Variants in RBM47 observed in about 807,000 individuals in gnomAD.
RBM47 encodes RNA binding motif protein 47.
RBM47 carries 21 observed loss-of-function variants against 47.1 expected under a neutral mutation model. The ratio of observed to expected loss-of-function variants is 0.45; its 90% confidence interval spans 0.32 to 0.64. The LOEUF (loss-of-function observed/expected upper bound fraction) is 0.64, where lower values mean the gene tolerates loss of function less well. Among genes scored for constraint, RBM47 ranks in the 30% least tolerant of loss-of-function variants. The probability of loss-of-function intolerance (pLI) is 0.05; values close to 1 mark genes in which losing one functional copy is unlikely to be tolerated. For synonymous variants in RBM47, 375 were observed against 361.7 expected, an observed-to-expected ratio of 1.04 and a Z score of -0.42; for missense variants, 708 against 870.9, an observed-to-expected ratio of 0.81 and a Z score of 2.35.
intron 1 of RBM47, among the ~76,000 whole-genome samples, chr4:40,552,809 A>G (rs1318634792): frequency 1.3e-5 from 2 of 152,142 alleles, no homozygotes; most frequent in Non-Finnish European, 2.9e-5. Flanking sequence ...AAACCAGCTC[A>G]TCCTCTTCTC....
At chr4:40,462,136 T>C (rs1450709089) in intron 3 of RBM47, among the ~76,000 whole-genome samples, 1 of 152,026 alleles carries the variant, frequency 6.6e-6, no homozygotes, top group East Asian at 1.9e-4. Flanking sequence ...GTGCAGACAT[T>C]TGAAGCTAGG....
At chr4:40,439,753 T>C (rs967490586) in intron 3 of RBM47, among the ~76,000 whole-genome samples, 2 of 152,200 alleles carry the variant, frequency 1.3e-5, no homozygotes, top group Admixed American at 6.5e-5. Flanking sequence ...AATTTGGTCA[T>C]GGGGAAATAG....
chr4:40,559,534 A>G (rs1288034257), intron 1 of RBM47, among the ~76,000 whole-genome samples: 1 of 152,230 alleles, frequency 6.6e-6, no homozygotes, highest in East Asian at 1.9e-4. Flanking sequence ...TAAAAATAAG[A>G]CTGTTAAGGA....
intron 2 of RBM47, among the ~76,000 whole-genome samples, chr4:40,477,245 C>T (rs756693818): frequency 1.2e-4 from 19 of 152,074 alleles, no homozygotes; most frequent in Non-Finnish European, 2.5e-4. Context: ...TATTCATCTA[C>T]GCATATATTT....
In RBM47 at chr4:40,486,135, G is replaced by T. The variant is rs998541140; in HGVS notation, c.-154-19436C>A. 2.1e-5 allele frequency among the ~76,000 whole-genome samples: 3 copies of T among 143,934 alleles called. No homozygotes were observed. In the Admixed American group the frequency reaches 2.1e-4, roughly 10 times the overall value. 94.4% of individuals were successfully genotyped at this position (143,934 alleles called of 152,430 possible). The stretch of plus-strand genomic sequence containing the variant: ...AAGAGTTTAGAAACTAAATACAGTA[G>T]CTAAGGAAGAAACTGATTATTTATC... On this transcript the variant is annotated intron_variant, in intron 2 of 6. Coordinates refer to ENST00000295971, the MANE Select transcript of RBM47 (RefSeq NM_001098634.2).
intron 1 of RBM47, among the ~76,000 whole-genome samples, chr4:40,596,016 T>C (rs746613801): frequency 9.2e-5 from 14 of 152,192 alleles, no homozygotes; most frequent in African/African-American, 1.2e-4. Flanking sequence ...CAGTCAGTGT[T>C]TGATAAGCTA....
intron 2 of RBM47, among the ~76,000 whole-genome samples, chr4:40,540,359 G>C (rs1728390830): frequency 6.6e-6 from 1 of 151,970 alleles, no homozygotes; most frequent in Admixed American, 6.6e-5. Flanking sequence ...AAATAAACAG[G>C]CTGGGCACAG....
chr4:40,434,010 T>G (rs796867121), intron 5 of RBM47, among the ~76,000 whole-genome samples: 33,373 of 67,350 alleles, frequency 0.5, 9,026 homozygotes, highest in South Asian at 0.61. Flanking sequence ...GGGGTGTGTG[T>G]GTGTGTGTGT....
chr4:40,600,999 A>AAAG (rs1553907563), intron 1 of RBM47, among the ~76,000 whole-genome samples: 6 of 147,284 alleles, frequency 4.1e-5, no homozygotes, highest in African/African-American at 1.6e-4. Context: ...AAAAAAAAAA[A>AAAG]AAAGAAAGAA....
chr4:40,533,950 G>A (rs1330037033), intron 2 of RBM47, among the ~76,000 whole-genome samples: 4 of 151,860 alleles, frequency 2.6e-5, no homozygotes, highest in African/African-American at 2.4e-5. Flanking sequence ...CGAGTGGCTG[G>A]GATTACAGGC....
Position 40,547,217 on chromosome 4 carries a change from C to T in RBM47, c.-239-2711G>A, listed in dbSNP as rs183404859. Among the ~76,000 whole-genome samples the T allele has an allele frequency of 9.8e-4, 149 of 152,306 alleles. 1 individual carries two copies. The highest frequency in any genetic ancestry group is 3.4e-3 in the African/African-American group (143 of 41,582). ...CTAGGATATACAGTGCCCCTCCCTG[C>T]CCTGCCAAATTCATAAATTCAAGGT... On this transcript the variant is annotated intron_variant, in intron 1 of 6. Coordinates refer to ENST00000295971, the MANE Select transcript of RBM47 (RefSeq NM_001098634.2).
Position 40,559,129 on chromosome 4 carries a change from C to T in RBM47, c.-239-14623G>A, listed in dbSNP as rs115246988. 9.2e-5 allele frequency among the ~76,000 whole-genome samples: 14 copies of T among 152,314 alleles called. No homozygotes were observed. In the South Asian group the frequency reaches 2.1e-3, roughly 23 times the overall value. ...CCTATTACAAGGTATATTACCATGA[C>T]ATAGATAGCATTTGCCCCTCAGTAA... On this transcript the variant is annotated intron_variant, in intron 1 of 6. Transcript: ENST00000295971.
At chr4:40,504,148 A>G (rs1723769065) in intron 2 of RBM47, among the ~76,000 whole-genome samples, 1 of 152,166 alleles carries the variant, frequency 6.6e-6, no homozygotes, top group Admixed American at 6.6e-5. Context: ...AGGGATACTG[A>G]GTTAAGCATC....
rs367596379 is a variant in RBM47 at position 40,436,607 on chromosome 4, G to T, written c.1164C>A (p.Asn388Lys). Reference sequence around the variant, plus strand: ...AGGAACCCCTAGGCCCTGGGGCTCTGTTGCCAGCTGCACCTCGCCCTCGGC... The same window carrying T: ...AGGAACCCCTAGGCCCTGGGGCTCTTTTGCCAGCTGCACCTCGCCCTCGGC... ...IRGRGRGAAG[N>K]RAPGPRGSYL... The change falls in exon 5 of 7, where the codon AAC becomes AAA. Residue 388 changes from asparagine (N) to lysine (K), a missense_variant. By Grantham distance (94) the Asn-to-Lys change is moderately conservative. Coordinates refer to ENST00000295971, the MANE Select transcript of RBM47 (RefSeq NM_001098634.2). 2.0e-5 allele frequency: 33 copies of T among 1,614,048 alleles called. No individual in the cohort carries two copies. Among genetic ancestry groups the T allele is most frequent in the Non-Finnish European group, 1.9e-5 (22 of 1,180,042 alleles).
At chr4:40,621,086 C>G (rs1737226793) in intron 1 of RBM47, among the ~76,000 whole-genome samples, 1 of 152,000 alleles carries the variant, frequency 6.6e-6, no homozygotes, top group Non-Finnish European at 1.5e-5. Flanking sequence ...ATAACTAAAT[C>G]CAGGCTCTTC....
At chr4:40,581,466 A>C (rs1732937359) in intron 1 of RBM47, among the ~76,000 whole-genome samples, 1 of 151,088 alleles carries the variant, frequency 6.6e-6, no homozygotes, top group South Asian at 2.1e-4. Context: ...ATAAATAAAT[A>C]AAAGGAGAGG....
At chr4:40,535,008 G>T (rs1727800640) in intron 2 of RBM47, among the ~76,000 whole-genome samples, 1 of 151,626 alleles carries the variant, frequency 6.6e-6, no homozygotes, top group African/African-American at 2.4e-5. Flanking sequence ...TGCCATGCAT[G>T]AACTGTATGA....
At chr4:40,431,525 G>A (rs1716018349) in intron 6 of RBM47, among the ~76,000 whole-genome samples, 3 of 152,136 alleles carry the variant, frequency 2.0e-5, no homozygotes, top group South Asian at 2.1e-4. Flanking sequence ...GGGCATGGTG[G>A]CGTGCGCCTG....
intron 4 of RBM47, 107 bp from the exon 5 acceptor site, chr4:40,436,754 G>A: frequency 9.5e-7 from 1 of 1,057,258 alleles, no homozygotes; most frequent in Non-Finnish European, 1.5e-6. Context: ...TTAATTGCAG[G>A]TGGCTACACC....
Sources: gnomAD v4.1 joint callset for allele counts (sites outside exome capture counted in the v4.1 genomes callset) on GRCh38, gnomAD v4.1.1 for gene constraint, MANE v1.5 for transcripts, NCBI Gene and HGNC (gene_info 2026-07-23, HGNC 2026-07-21) for gene names.